USP40: variants seen among roughly 807,000 people sequenced by gnomAD.
USP40 encodes ubiquitin specific peptidase 40, also known as ubiquitin carboxyl-terminal hydrolase 40.
USP40 carries 143 observed loss-of-function variants against 166.2 expected under a neutral mutation model. The observed-to-expected ratio is 0.86, with a 90% CI of 0.75 to 0.99. USP40 has a LOEUF of 0.99. Ranked by LOEUF, USP40 falls within the 50% of genes least tolerant of loss-of-function variation. The pLI is 0.00. For missense variants in USP40, 1,444 were observed against 1,479.7 expected, an observed-to-expected ratio of 0.98 and a Z score of 0.40; for synonymous variants, 498 against 524.0, an observed-to-expected ratio of 0.95 and a Z score of 0.68.
In USP40 at chr2:233,486,036, C is replaced by A; in HGVS notation, c.3198-59G>T. ...ACAAACAAACAAAACCACGTGGTAACTTGAGGCATAATGGGCAAAGCTTCT... is the reference window on the plus strand; with the variant it reads ...ACAAACAAACAAAACCACGTGGTAAATTGAGGCATAATGGGCAAAGCTTCT... On this transcript the variant is annotated intron_variant, in intron 28 of 31. Coordinates refer to ENST00000678225, the MANE Select transcript of USP40 (RefSeq NM_001365479.2). The surrounding 1 kb of genome is among the most constrained non-coding windows in gnomAD (Gnocchi z 4.0). The A allele has an allele frequency of 1.3e-6, 2 of 1,508,182 alleles. No homozygotes were observed. Among genetic ancestry groups the A allele is most frequent in the Non-Finnish European group, 8.8e-7 (1 of 1,131,482 alleles). 93.4% of individuals were successfully genotyped at this position (1,508,182 alleles called of 1,614,324 possible). A position where few individuals can be genotyped will look rare whatever the true frequency, so the allele number is the denominator to read the frequency against.
chr2:233,498,664 T>C (rs1559227836), intron 22 of USP40, 52 bp from the exon 23 acceptor site: 3 of 1,485,282 alleles, frequency 2.0e-6, no homozygotes, highest in African/African-American at 1.4e-5. Context: ...AGGTGAGACG[T>C]TGCGTGTAAC....
intron 21 of USP40, among the ~76,000 whole-genome samples, chr2:233,506,748 A>AG (rs1408398918): frequency 6.8e-6 from 1 of 147,220 alleles, no homozygotes; most frequent in Non-Finnish European, 1.5e-5. Flanking sequence ...TACAAAAAAA[A>AG]AAAAAAAAAA....
intron 8 of USP40, chr2:233,545,776 T>C: frequency 4.5e-6 from 1 of 224,196 alleles, no homozygotes; most frequent in South Asian, 8.6e-5. Context: ...AAGTAATTGC[T>C]GAACTGTAAG....
chr2:233,534,931 T>C (rs1161814445), intron 10 of USP40, among the ~76,000 whole-genome samples: 1 of 152,066 alleles, frequency 6.6e-6, no homozygotes, highest in Non-Finnish European at 1.5e-5. Context: ...TGATAAACTC[T>C]AGGCAAAAAA....
At chr2:233,483,032 G>A (rs1227877027) in intron 30 of USP40, among the ~76,000 whole-genome samples, 1 of 152,222 alleles carries the variant, frequency 6.6e-6, no homozygotes, top group African/African-American at 2.4e-5. Flanking sequence ...AAGATCTGCT[G>A]TCTATGCTGG....
At chr2:233,477,993 G>C (rs530036438) in intron 31 of USP40, among the ~76,000 whole-genome samples, 4 of 152,204 alleles carry the variant, frequency 2.6e-5, no homozygotes, top group Non-Finnish European at 5.9e-5. Flanking sequence ...GGCACCGTGC[G>C]GCAGGTGCTC....
intron 21 of USP40, among the ~76,000 whole-genome samples, chr2:233,508,830 T>C (rs546810109): frequency 1.3e-5 from 2 of 152,352 alleles, no homozygotes; most frequent in South Asian, 4.1e-4. Context: ...CATTTTTGTA[T>C]AGGATCATTA....
chr2:233,533,463 A>C lies in USP40; in HGVS notation c.1471+16T>G, dbSNP rs773073474. 3 of 1,599,956 alleles carry C rather than the reference A, an allele frequency of 1.9e-6. No homozygotes were observed. Among genetic ancestry groups the C allele is most frequent in the South Asian group, 2.2e-5 (2 of 89,274 alleles). On this transcript the variant is annotated intron_variant, in intron 11 of 31. Coordinates refer to ENST00000678225, the MANE Select transcript of USP40 (RefSeq NM_001365479.2). ...GCCATTAACTGAAACAAATAGGAAC[A>C]TTTTTCTTTCCATACCTTCAGGGGG... is the stretch of plus-strand genomic sequence containing the variant.
At position 233,507,125 on chromosome 2, in the gene USP40, C is replaced by T. The variant is rs138704871; in HGVS notation, c.2613+2924G>A. 7.8e-4 allele frequency among the ~76,000 whole-genome samples: 119 copies of T among 152,156 alleles called. 1 individual carries two copies. The highest frequency in any genetic ancestry group is 2.7e-3 in the African/African-American group (111 of 41,512). On this transcript the variant is annotated intron_variant, in intron 21 of 31. Coordinates refer to ENST00000678225, the MANE Select transcript of USP40 (RefSeq NM_001365479.2). ...TGTAAATCAAAACCACAATGAAGTA[C>T]CATCTCACTCCAGTTAGAATGGCTA...
chr2:233,551,244 A>G, intron 7 of USP40, 132 bp downstream of exon 7: 2 of 1,015,826 alleles, frequency 2.0e-6, no homozygotes, highest in East Asian at 2.7e-5. Context: ...ACAACAAAGA[A>G]TAGTTTAACT....
At chr2:233,483,767 G>A (rs535272800) in intron 30 of USP40, among the ~76,000 whole-genome samples, 2 of 152,078 alleles carry the variant, frequency 1.3e-5, no homozygotes, top group Non-Finnish European at 2.9e-5. Context: ...TCCAAAACCC[G>A]AAAAAACCTG....
Position 233,519,650 on chromosome 2 carries a change from T to C in USP40, c.2347A>G (p.Lys783Glu), listed in dbSNP as rs1243777120. 2 of 1,426,120 alleles carry C rather than the reference T, an allele frequency of 1.4e-6. No individual in the cohort carries two copies. Among genetic ancestry groups the C allele is most frequent in the Admixed American group, 2.0e-5 (1 of 48,918 alleles). The allele number at this position is 1,426,120 out of a possible 1,614,324, so 88.3% of individuals were successfully genotyped here. Residue 783 changes from lysine (K) to glutamate (E), a missense_variant, in exon 18 of 32, where the codon AAA (lysine) becomes GAA (glutamate). Coordinates refer to ENST00000678225, the MANE Select transcript of USP40 (RefSeq NM_001365479.2). Reference protein sequence around the residue: ...VNTMVFDIRIKAIKELKLMKE... With the variant: ...VNTMVFDIRIEAIKELKLMKE... ...ATTAATTTTAATTCCTTTATGGCTT[T>C]AATTCGAATATCAAACACCATCTAA...
intron 21 of USP40, among the ~76,000 whole-genome samples, chr2:233,501,886 A>G (rs1163413819): frequency 6.6e-6 from 1 of 152,242 alleles, no homozygotes; most frequent in Non-Finnish European, 1.5e-5. Flanking sequence ...AGAACTGGGC[A>G]GCAGAATGCT....
chr2:233,562,838 C>T (rs1205120309), intron 2 of USP40, 35 bp from the exon 3 acceptor site: 16 of 1,461,468 alleles, frequency 1.1e-5, no homozygotes, highest in African/African-American at 2.9e-5. Flanking sequence ...ATGCAAATGA[C>T]ATCATTTCAT....
chr2:233,565,348 T>C lies in USP40; in HGVS notation c.199+8A>G, dbSNP rs2072045991. On this transcript the variant is annotated splice_region_variant and intron_variant, in intron 2 of 31. Coordinates refer to ENST00000678225, the MANE Select transcript of USP40 (RefSeq NM_001365479.2). ...TATTGCTAGTTAAATGTACGTAACA[T>C]AGCATACCTCTGAATTCAGGTGTGA... 1.3e-6 allele frequency: 2 copies of C among 1,531,046 alleles called. No individual in the cohort carries two copies. The highest frequency in any genetic ancestry group is 1.4e-5 in the African/African-American group (1 of 72,850). The allele number at this position is 1,531,046 out of a possible 1,614,324, so 94.8% of individuals were successfully genotyped here. A position where few individuals can be genotyped will look rare whatever the true frequency, so the allele number is the denominator to read the frequency against.
chr2:233,481,262 T>C lies in USP40; in HGVS notation c.3540A>G (p.Thr1180=). 1.2e-6 allele frequency: 2 copies of C among 1,607,576 alleles called. No homozygotes were observed. The highest frequency in any genetic ancestry group is 8.5e-7 in the Non-Finnish European group (1 of 1,176,768). ...TTTCTTTTCCAGTGTCATCTCTGAT[T>C]GTACTGAAATCATCATCGTCGTCAA... ...LLIDDDDDFS[T]IRDDTGKEKQ... The change falls in exon 31 of 32, where the codon ACA becomes ACG. Residue 1180 remains threonine, a synonymous_variant. Coordinates refer to ENST00000678225, the MANE Select transcript of USP40 (RefSeq NM_001365479.2).
intron 12 of USP40, 36 bp downstream of exon 12, chr2:233,529,395 A>G (rs761488921): frequency 7.8e-5 from 118 of 1,509,662 alleles, no homozygotes; most frequent in Non-Finnish European, 9.5e-5. Flanking sequence ...TATTCTCCGG[A>G]ATACTAGTCA....
chr2:233,553,936 G>A (rs1158813003), intron 6 of USP40, among the ~76,000 whole-genome samples: 1 of 152,188 alleles, frequency 6.6e-6, no homozygotes, highest in East Asian at 1.9e-4. Flanking sequence ...CTCCCACCTG[G>A]GGGAGGAGGT....
In USP40 at chr2:233,540,707, T is replaced by C. The variant is rs751330498; in HGVS notation, c.1125A>G (p.Ile375Met). The stretch of plus-strand genomic sequence containing the variant: ...GTTTTCTGTACTTCTTGTTCCAAGA[T>C]ATTCCTATCTTTTTCAAAAGTTTCT... ...LGQKLLKKIG[I>M]SWNKKYRKQH... Residue 375 changes from isoleucine to methionine, a missense_variant, in exon 10 of 32, where the codon ATA becomes ATG. Ile to Met is a conservative substitution (Grantham distance 10). Transcript: ENST00000678225. 53 of 1,613,472 alleles carry C rather than the reference T, an allele frequency of 3.3e-5. No individual in the cohort carries two copies. The highest frequency in any genetic ancestry group is 4.3e-5 in the Non-Finnish European group (51 of 1,179,648).
Sources: allele counts gnomAD v4.1 joint callset (sites outside exome capture counted in the v4.1 genomes callset), GRCh38; gene constraint gnomAD v4.1.1; non-coding constraint Gnocchi (gnomAD v3.1); transcripts MANE v1.5; gene names NCBI Gene and HGNC (gene_info 2026-07-23, HGNC 2026-07-21).